Variants in DYSF observed in about 807,000 individuals in gnomAD.
The protein encoded by DYSF is dysferlin, also known as dystrophy-associated fer-1-like 1.
Under a neutral mutation model 274.9 loss-of-function variants are expected in DYSF, and 212 were observed. That is an observed-to-expected ratio of 0.77 (90% CI 0.69 to 0.86). The LOEUF (loss-of-function observed/expected upper bound fraction) is 0.86. Ranked by LOEUF, DYSF falls within the 40% of genes least tolerant of loss-of-function variation. DYSF has a pLI of 0.00. For missense variants in DYSF, 2,666 were observed against 2,783.2 expected (o/e 0.96, Z 0.95); for synonymous variants, 1,091 against 1,078.7 (o/e 1.01, Z -0.22).
At chr2:71,492,460 A>T (rs2083937653) in intron 3 of DYSF, among the ~76,000 whole-genome samples, 1 of 152,172 alleles carries the variant, frequency 6.6e-6, no homozygotes, top group South Asian at 2.1e-4. Context: ...GTCAGTGATG[A>T]GTTACTCGCA....
In DYSF at chr2:71,515,611, T is replaced by G. The variant is rs1235691658; in HGVS notation, c.760-12T>G. 9.3e-6 allele frequency: 15 copies of G among 1,613,784 alleles called. No homozygotes were observed. Among genetic ancestry groups the G allele is most frequent in the African/African-American group, 1.3e-5 (1 of 74,904 alleles). On this transcript the variant is annotated splice_polypyrimidine_tract_variant and intron_variant, in intron 7 of 55. Coordinates refer to ENST00000410020, the MANE Select transcript of DYSF (RefSeq NM_001130987.2). ...CCCCTTCCTCCTGCTCTTTCCTCCTTCTGGCTTTCAGATCAGGGTCCAGGT... is the reference window on the plus strand; with the variant it reads ...CCCCTTCCTCCTGCTCTTTCCTCCTGCTGGCTTTCAGATCAGGGTCCAGGT...
chr2:71,613,483 C>A, intron 40 of DYSF, 73 bp downstream of exon 40: 2 of 1,267,180 alleles, frequency 1.6e-6, no homozygotes, highest in Non-Finnish European at 2.3e-6. Context: ...CACCCCTTCT[C>A]CCCTACCCTT....
chr2:71,679,176 A>G lies in DYSF; in HGVS notation c.6004A>G (p.Lys2002Glu). Reference protein sequence around the residue: ...PEWFVSLFEQKTVKGWWPCVA... With the variant: ...PEWFVSLFEQETVKGWWPCVA... ...ATGGTTTGTGTCCCTTTTTGAGCAG[A>G]AAACAGTGAAGGGCTGGTGGCCCTG... The change falls in exon 53 of 56, where the codon AAA becomes GAA. Residue 2002 changes from lysine to glutamate, a missense_variant. Physicochemically the swap from Lys to Glu is moderately conservative, Grantham distance 56 (BLOSUM62 1). Coordinates refer to ENST00000410020, the MANE Select transcript of DYSF (RefSeq NM_001130987.2). The G allele has an allele frequency of 1.2e-6, 2 of 1,614,102 alleles. No homozygotes were observed. Among genetic ancestry groups the G allele is most frequent in the Non-Finnish European group, 1.7e-6 (2 of 1,179,968 alleles).
intron 30 of DYSF, 68 bp from the exon 31 acceptor site, chr2:71,589,525 T>C (rs1481059420): frequency 6.3e-6 from 8 of 1,268,076 alleles, no homozygotes; most frequent in Non-Finnish European, 9.2e-6. Flanking sequence ...TCTAACTCTC[T>C]GGGCTAGTCT....
intron 1 of DYSF, among the ~76,000 whole-genome samples, chr2:71,472,518 T>C (rs1020210523): frequency 1.3e-5 from 2 of 152,222 alleles, no homozygotes; most frequent in Non-Finnish European, 2.9e-5. Context: ...GCCATTCTCC[T>C]GCCTCAGCCT....
intron 51 of DYSF, among the ~76,000 whole-genome samples, chr2:71,673,051 A>C (rs2095157759): frequency 6.6e-6 from 1 of 152,182 alleles, no homozygotes; most frequent in Admixed American, 6.5e-5. Context: ...CTGGACAGCA[A>C]GGGTGGGTTT....
chr2:71,661,189 TC>T (rs1456440339), intron 45 of DYSF, among the ~76,000 whole-genome samples: 4 of 150,264 alleles, frequency 2.7e-5, no homozygotes, highest in Non-Finnish European at 5.9e-5. Context: ...ATTTGCTAAT[TC>T]TTTTTTTTTT....
intron 38 of DYSF, 22 bp from the exon 39 acceptor site, chr2:71,612,619 G>T (rs1327674383): frequency 1.2e-6 from 2 of 1,612,942 alleles, no homozygotes; most frequent in Non-Finnish European, 1.7e-6. Context: ...TCAGGCCAGT[G>T]CGTTCTTCCT....
intron 52 of DYSF, among the ~76,000 whole-genome samples, chr2:71,678,582 G>A (rs867209180): frequency 6.6e-6 from 1 of 152,108 alleles, no homozygotes; most frequent in Non-Finnish European, 1.5e-5. Context: ...TTGTTTGGGG[G>A]ATGGAAAAGT....
intron 40 of DYSF, among the ~76,000 whole-genome samples, chr2:71,618,898 G>A (rs1428987984): frequency 6.6e-6 from 1 of 151,022 alleles, no homozygotes; most frequent in Non-Finnish European, 1.5e-5. Flanking sequence ...GGCCGGCTCT[G>A]GGACTCCCAG....
intron 41 of DYSF, among the ~76,000 whole-genome samples, chr2:71,633,393 C>G (rs2094346408): frequency 6.6e-6 from 1 of 152,098 alleles, no homozygotes; most frequent in Non-Finnish European, 1.5e-5. Context: ...ATTAGAGGAA[C>G]CTTTGTACCG....
intron 10 of DYSF, among the ~76,000 whole-genome samples, chr2:71,519,031 T>A (rs1559062407): frequency 7.5e-6 from 1 of 132,906 alleles, no homozygotes; most frequent in Non-Finnish European, 1.5e-5. Context: ...TGGCAGAGGT[T>A]GCAGTGAGCC....
At chr2:71,663,216 C>G (rs1370190141) in intron 45 of DYSF, among the ~76,000 whole-genome samples, 2 of 152,168 alleles carry the variant, frequency 1.3e-5, no homozygotes, top group Non-Finnish European at 2.9e-5. Context: ...ACTCTCTGGA[C>G]CACGGATGTT....
intron 32 of DYSF, among the ~76,000 whole-genome samples, chr2:71,597,852 T>G (rs2093443196): frequency 6.6e-6 from 1 of 152,146 alleles, no homozygotes; most frequent in Admixed American, 6.5e-5. Context: ...CCACCATTAT[T>G]CCTCCCTGGA....
intron 41 of DYSF, among the ~76,000 whole-genome samples, chr2:71,625,000 A>G (rs1346116490): frequency 1.3e-5 from 2 of 152,184 alleles, no homozygotes; most frequent in East Asian, 1.9e-4. Context: ...TTCTGTTTTC[A>G]TCTTCATTCT....
chr2:71,511,963 G>A (rs531213358), intron 5 of DYSF, 42 bp downstream of exon 5: 400 of 1,253,844 alleles, frequency 3.2e-4, no homozygotes, highest in Non-Finnish European at 4.2e-4. Flanking sequence ...CAGCAAGAAG[G>A]CCGGCAGTGG....
chr2:71,592,116 C>T (rs2093282522), intron 32 of DYSF, among the ~76,000 whole-genome samples: 1 of 152,186 alleles, frequency 6.6e-6, no homozygotes, highest in South Asian at 2.1e-4. Context: ...GGTGAGGGTG[C>T]CGGGAGCGGG....
rs759746992 is a variant in DYSF at position 71,516,247 on chromosome 2, G to C, written c.951+5G>C. On this transcript the variant is annotated splice_donor_5th_base_variant and intron_variant, in intron 9 of 55. Transcript: ENST00000410020. Reference sequence around the variant, plus strand: ...GATGAGCCCATCTTTATCACGGTATGTCTCAGCAGTCAAAGTGTTCTCCGT... The same window carrying C: ...GATGAGCCCATCTTTATCACGGTATCTCTCAGCAGTCAAAGTGTTCTCCGT... 17 of 1,614,004 alleles carry C rather than the reference G, an allele frequency of 1.1e-5. No homozygotes were observed. Among genetic ancestry groups the C allele is most frequent in the Non-Finnish European group, 1.4e-5 (17 of 1,179,868 alleles).
intron 29 of DYSF, among the ~76,000 whole-genome samples, chr2:71,573,689 A>T (rs541948468): frequency 6.6e-5 from 10 of 152,322 alleles, no homozygotes; most frequent in African/African-American, 2.2e-4. Context: ...TCCACCCAGA[A>T]TTCAAACAAA....
Sources: gnomAD v4.1 joint callset for allele counts (sites outside exome capture counted in the v4.1 genomes callset) on GRCh38, gnomAD v4.1.1 for gene constraint, MANE v1.5 for transcripts, NCBI Gene and HGNC (gene_info 2026-07-23, HGNC 2026-07-21) for gene names.